The following GLE1 variants were observed in gnomAD, a reference collection of about 807,000 sequenced individuals.
GLE1 encodes GLE1 RNA export mediator, also known as mRNA export factor GLE1.
A neutral mutation model predicts 97.3 loss-of-function variants in GLE1; 78 were observed. That is an observed-to-expected ratio of 0.80 (90% confidence interval 0.67 to 0.97). The LOEUF is 0.97. Ranked by LOEUF, GLE1 falls within the 50% of genes least tolerant of loss-of-function variation. GLE1 has a pLI of 0.00. For synonymous variants in GLE1, 302 were observed against 313.4 expected, an observed-to-expected ratio of 0.96 and a Z score of 0.39; for missense variants, 753 against 857.5, an observed-to-expected ratio of 0.88 and a Z score of 1.52.
intron 9 of GLE1, among the ~76,000 whole-genome samples, chr9:128,529,401 TC>T (rs956658365): frequency 1.3e-5 from 2 of 152,184 alleles, no homozygotes; most frequent in African/African-American, 4.8e-5. Flanking sequence ...CTGCCCTTGT[TC>T]CCTTTCCTTC....
Position 128,523,243 on chromosome 9 carries a change from T to C in GLE1, c.582-37T>C, listed in dbSNP as rs372193425. The C allele has an allele frequency of 1.6e-5, 23 of 1,428,958 alleles. No homozygotes were observed. In the African/African-American group the frequency reaches 3.2e-4, roughly 20 times the overall value. 88.5% of individuals were successfully genotyped at this position (1,428,958 alleles called of 1,614,324 possible). A position where few individuals can be genotyped will look rare whatever the true frequency, so the allele number is the denominator to read the frequency against. ...AAGAAAGAAAAACAATTTCAGGAAG[T>C]ATCCCTGACTATTCCTCCCTGCCAT... On this transcript the variant is annotated intron_variant, in intron 4 of 15. Transcript: ENST00000309971.
chr9:128,514,541 C>A (rs1366928822), intron 2 of GLE1, among the ~76,000 whole-genome samples: 1 of 150,022 alleles, frequency 6.7e-6, no homozygotes, highest in African/African-American at 2.5e-5. Flanking sequence ...CTCCCAGGTT[C>A]ACGCCATTCT....
At chr9:128,505,755 A>C (rs1045750493) in intron 1 of GLE1, among the ~76,000 whole-genome samples, 1 of 152,208 alleles carries the variant, frequency 6.6e-6, no homozygotes, top group Non-Finnish European at 1.5e-5. Flanking sequence ...TCCGTTTAAA[A>C]TTCGTCATTT....
chr9:128,528,752 TC>T (rs1264060119), intron 9 of GLE1: 1 of 152,212 alleles, frequency 6.6e-6, no homozygotes, highest in African/African-American at 2.4e-5. Flanking sequence ...CATTAGCTTT[TC>T]CAAATTACTC....
intron 2 of GLE1, among the ~76,000 whole-genome samples, chr9:128,513,068 C>T (rs141426728): frequency 6.6e-4 from 101 of 152,094 alleles, no homozygotes; most frequent in Middle Eastern, 3.4e-3. Flanking sequence ...TTGGTATTTA[C>T]GTAAGAAAAA....
In GLE1 at chr9:128,536,439, CGCT is replaced by C; in HGVS notation, c.1735_1737del (p.Ala579del). 6.2e-7 allele frequency: 1 copy of C among 1,613,916 alleles called. No homozygotes were observed. ...GCATGTCAGGGATGATCCGTCTCTA[CGCT>C]GCTATCATCCAGCTCCGGTGGCCAT... On this transcript the variant is annotated inframe_deletion, in exon 12 of 16. Coordinates refer to ENST00000309971, the MANE Select transcript of GLE1 (RefSeq NM_001003722.2).
Position 128,536,442 on chromosome 9 carries a change from T to C in GLE1, c.1734T>C (p.Ala578=), listed in dbSNP as rs776024784. The C allele has an allele frequency of 6.2e-7, 1 of 1,614,012 alleles. No individual in the cohort carries two copies. Among genetic ancestry groups the C allele is most frequent in the South Asian group, 1.1e-5 (1 of 91,078 alleles). Residue 578 remains alanine (A), a synonymous_variant, in exon 12 of 16, where the codon GCT becomes GCC. Transcript: ENST00000309971. ...TGTCAGGGATGATCCGTCTCTACGCTGCTATCATCCAGCTCCGGTGGCCAT... is the reference window on the plus strand; with the variant it reads ...TGTCAGGGATGATCCGTCTCTACGCCGCTATCATCCAGCTCCGGTGGCCAT... ...KRMSGMIRLY[A]AIIQLRWPYG...
chr9:128,522,653 A>G lies in GLE1; in HGVS notation c.433-15A>G, dbSNP rs752897261. 1.7e-5 allele frequency: 27 copies of G among 1,604,072 alleles called. No homozygotes were observed. Among genetic ancestry groups the G allele is most frequent in the Non-Finnish European group, 2.3e-5 (27 of 1,176,768 alleles). On this transcript the variant is annotated splice_polypyrimidine_tract_variant and intron_variant, in intron 3 of 15. Coordinates refer to ENST00000309971, the MANE Select transcript of GLE1 (RefSeq NM_001003722.2). ...TCCATCTTAAAAAAAAAAAAAAAAA[A>G]AAAAACCTTTTCAGGAGGGCCTGAG...
rs1241455553 is a variant in GLE1, at chr9:128,541,609, T to C, written c.*439T>C. The C allele has an allele frequency of 5.4e-6, 1 of 185,560 alleles. No homozygotes were observed. Among genetic ancestry groups the C allele is most frequent in the Non-Finnish European group, 1.1e-5 (1 of 87,564 alleles). 11.5% of individuals were successfully genotyped at this position (185,560 alleles called of 1,614,324 possible). On this transcript the variant is annotated 3_prime_UTR_variant, in exon 16 of 16. Transcript: ENST00000309971. ...AGCTAAGGCTCATAAGGTTCCCTTTTAAGTATTATTTAATAGTTGAGGCCA... is the reference window on the plus strand; with the variant it reads ...AGCTAAGGCTCATAAGGTTCCCTTTCAAGTATTATTTAATAGTTGAGGCCA...
chr9:128,510,293 A>G (rs938583969), intron 2 of GLE1, among the ~76,000 whole-genome samples: 2 of 149,334 alleles, frequency 1.3e-5, no homozygotes, highest in Admixed American at 1.3e-4. Context: ...CAGTGACGCA[A>G]TTTCAGCTCA....
At chr9:128,536,933 G>C in intron 12 of GLE1, 1 of 181,498 alleles carries the variant, frequency 5.5e-6, no homozygotes, top group South Asian at 1.1e-4. Flanking sequence ...TAGAAGGACA[G>C]AGAAATTAAT....
intron 1 of GLE1, among the ~76,000 whole-genome samples, chr9:128,507,008 T>C (rs1157836397): frequency 6.6e-6 from 1 of 152,192 alleles, no homozygotes; most frequent in Admixed American, 6.5e-5. Flanking sequence ...AATCAGTACT[T>C]ATTTTCTCAT....
At position 128,515,573 on chromosome 9, in the gene GLE1, C is replaced by T. The variant is rs1846960027; in HGVS notation, c.366C>T (p.Ser122=). Residue 122 remains serine (S), a synonymous_variant, in exon 3 of 16, where the codon TCC becomes TCT. Transcript: ENST00000309971. ...ACACAGAATCTATGGTACTTCAGTC[C>T]TCACGGGGGATCAAAGTGGAAGGCT... ...SQHTESMVLQ[S]SRGIKVEGCV... is the part of the protein sequence containing the mutation. 6.2e-7 allele frequency: 1 copy of T among 1,608,726 alleles called. No individual in the cohort carries two copies.
intron 3 of GLE1, among the ~76,000 whole-genome samples, chr9:128,516,992 A>G (rs886836834): frequency 1.3e-5 from 2 of 152,098 alleles, no homozygotes; most frequent in African/African-American, 4.8e-5. Context: ...ACAGGAATTT[A>G]GAAAATGAAA....
Position 128,533,427 on chromosome 9 carries a change from CAAAAAAAAAAAAAAAAAA to C in GLE1, c.1313-78_1313-61del, listed in dbSNP as rs5900802. On this transcript the variant is annotated intron_variant, in intron 9 of 15. Transcript: ENST00000309971. ...CCTGGGCAGTAGAGTGATACTGTCTCAAAAAAAAAAAAAAAAAAAAAAAAAGGAAAAGAAAAAGAGATT... is the reference window on the plus strand; with the variant it reads ...CCTGGGCAGTAGAGTGATACTGTCTCAAAAAAAGGAAAAGAAAAAGAGATT... The C allele has an allele frequency of 5.9e-6, 2 of 339,740 alleles. 1 individual carries two copies. Among genetic ancestry groups the C allele is most frequent in the African/African-American group, 9.0e-5 (2 of 22,336 alleles). The allele number at this position is 339,740 out of a possible 1,614,324, so 21.0% of individuals were successfully genotyped here. A position where few individuals can be genotyped will look rare whatever the true frequency, so the allele number is the denominator to read the frequency against.
intron 15 of GLE1, chr9:128,540,744 T>C (rs1011710247): frequency 2.7e-6 from 1 of 364,662 alleles, no homozygotes; most frequent in African/African-American, 2.1e-5. Flanking sequence ...CAAGAGATTG[T>C]AAAAGGTTAA....
intron 11 of GLE1, 41 bp from the exon 12 acceptor site, chr9:128,536,314 G>A (rs542966163): frequency 1.6e-5 from 25 of 1,588,746 alleles, no homozygotes; most frequent in African/African-American, 5.4e-5. Context: ...GATTACAAGC[G>A]TGAGCCACCA....
chr9:128,537,360 C>T (rs977324477), intron 12 of GLE1, among the ~76,000 whole-genome samples: 16 of 144,030 alleles, frequency 1.1e-4, no homozygotes, highest in South Asian at 4.3e-4. Flanking sequence ...GGCTGAGGCA[C>T]GAGAATCGCT....
intron 3 of GLE1, among the ~76,000 whole-genome samples, chr9:128,519,360 T>A (rs1217102323): frequency 6.6e-6 from 1 of 152,150 alleles, no homozygotes; most frequent in East Asian, 1.9e-4. Flanking sequence ...GGGAGAAATA[T>A]CGCTGAATTC....
Sources: gnomAD v4.1 joint callset for allele counts (sites outside exome capture counted in the v4.1 genomes callset) on GRCh38, gnomAD v4.1.1 for gene constraint, MANE v1.5 for transcripts, NCBI Gene and HGNC (gene_info 2026-07-23, HGNC 2026-07-21) for gene names.